OSBP2: variants seen among roughly 807,000 people sequenced by gnomAD.
The protein encoded by OSBP2 is oxysterol binding protein 2.
OSBP2 carries 66 observed loss-of-function variants against 96.0 expected under a neutral mutation model. That is an observed-to-expected ratio of 0.69 (90% CI 0.56 to 0.84). The LOEUF is 0.84. OSBP2 is among the 40% of genes least tolerant of loss of function. OSBP2 has a pLI of 0.00. For synonymous variants in OSBP2, 525 were observed against 520.9 expected, an observed-to-expected ratio of 1.01 and a Z score of -0.11; for missense variants, 1,038 against 1,222.7, an observed-to-expected ratio of 0.85 and a Z score of 2.25.
intron 2 of OSBP2, among the ~76,000 whole-genome samples, chr22:30,826,558 C>G (rs1336967957): frequency 6.6e-6 from 1 of 152,200 alleles, no homozygotes; most frequent in Non-Finnish European, 1.5e-5. Flanking sequence ...TCCTGGGCCC[C>G]TTCTGTAGCA....
Position 30,893,639 on chromosome 22 carries a change from C to A in OSBP2, c.2096C>A (p.Ser699Ter). ...CTGACCACTGCCCTCCTTCGCCAGTCAGGGGACATCGAGATTGTGAACCAT... is the reference window on the plus strand; with the variant it reads ...CTGACCACTGCCCTCCTTCGCCAGTAAGGGGACATCGAGATTGTGAACCAT... ...IIVGKLWIDQ[S>*]GDIEIVNHKT... Residue 699 changes from serine (S) to a stop codon, truncating the protein, a stop_gained and splice_region_variant, in exon 11 of 14, where the codon TCA becomes TAA. Transcript: ENST00000332585. LOFTEE classifies it high-confidence loss of function. 1 of 1,614,138 alleles carries A rather than the reference C, an allele frequency of 6.2e-7. No individual in the cohort carries two copies. Among genetic ancestry groups the A allele is most frequent in the South Asian group, 1.1e-5 (1 of 91,074 alleles).
intron 2 of OSBP2, among the ~76,000 whole-genome samples, chr22:30,795,402 T>C (rs2090743045): frequency 6.6e-6 from 1 of 152,150 alleles, no homozygotes; most frequent in African/African-American, 2.4e-5. Flanking sequence ...TCTTCTCTCT[T>C]CCTCTTATGG....
intron 12 of OSBP2, among the ~76,000 whole-genome samples, chr22:30,905,032 G>A (rs912727051): frequency 1.3e-4 from 19 of 151,908 alleles, no homozygotes; most frequent in African/African-American, 4.6e-4. Context: ...AGCTACTCAG[G>A]AGGCTAAGGC....
chr22:30,792,292 G>A (rs113019177), intron 2 of OSBP2, among the ~76,000 whole-genome samples: 34 of 151,256 alleles, frequency 2.2e-4, no homozygotes, highest in African/African-American at 7.3e-4. Flanking sequence ...CAGCCTGGGC[G>A]ACAGAGCGAG....
At chr22:30,701,877 A>C (rs911358186) in intron 1 of OSBP2, among the ~76,000 whole-genome samples, 1 of 152,194 alleles carries the variant, frequency 6.6e-6, no homozygotes, top group Non-Finnish European at 1.5e-5. Context: ...CAGGTTGATC[A>C]TGTGTAAGCA....
chr22:30,719,095 C>G (rs1468610354), intron 1 of OSBP2, among the ~76,000 whole-genome samples: 2 of 152,102 alleles, frequency 1.3e-5, no homozygotes, highest in Non-Finnish European at 2.9e-5. Flanking sequence ...TGTTCTTAAC[C>G]TTGAGCTGAT....
chr22:30,872,819 C>T (rs953398669), intron 3 of OSBP2, among the ~76,000 whole-genome samples: 10 of 152,214 alleles, frequency 6.6e-5, no homozygotes, highest in African/African-American at 1.9e-4. Context: ...TGGCAGGAAC[C>T]GGGGTAGTTC....
rs1205343226 is a variant in OSBP2 at position 30,695,458 on chromosome 22, C to G, written c.549C>G (p.Asp183Glu). 3.1e-6 allele frequency: 5 copies of G among 1,613,618 alleles called. No homozygotes were observed. The East Asian group carries it at 6.7e-5, about 22-fold the overall frequency. ...SSAPLALLPL[D>E]SFEGWLLKWT... ...CCCCACTGGCCTTACTGCCTCTGGA[C>G]AGCTTCGAGGGCTGGCTTCTCAAGT... Residue 183 changes from aspartate (D) to glutamate (E), a missense_variant, in exon 1 of 14, where the codon GAC becomes GAG. Physicochemically the swap from Asp to Glu is conservative, Grantham distance 45 (BLOSUM62 2). Coordinates refer to ENST00000332585, the MANE Select transcript of OSBP2 (RefSeq NM_030758.4).
chr22:30,874,348 G>C (rs950470777), intron 3 of OSBP2, among the ~76,000 whole-genome samples: 3 of 152,068 alleles, frequency 2.0e-5, no homozygotes, highest in Admixed American at 2.0e-4. Context: ...GGAGATGGAG[G>C]TTGCAGTGAG....
rs980055036 is a variant in OSBP2 at position 30,694,991 on chromosome 22, C to G, written c.82C>G (p.Pro28Ala). The G allele has an allele frequency of 1.9e-6, 3 of 1,560,850 alleles. No homozygotes were observed. The highest frequency in any genetic ancestry group is 3.8e-5 in the Admixed American group (2 of 52,410). Residue 28 changes from proline to alanine, a missense_variant, in exon 1 of 14, where the codon CCC becomes GCC. Pro to Ala is a conservative substitution (Grantham distance 27). This residue lies in a region of OSBP2 where 281 missense variants were observed against 273.4 expected (regional missense o/e 1.03). Coordinates refer to ENST00000332585, the MANE Select transcript of OSBP2 (RefSeq NM_030758.4). ...RGLSSLFTVV[P>A]CLSCHTAAPG... The stretch of plus-strand genomic sequence containing the variant: ...GCTCTCGTCGCTGTTCACGGTTGTC[C>G]CCTGCCTGTCGTGCCACACGGCGGC...
chr22:30,844,033 C>T (rs1207665599), intron 2 of OSBP2, among the ~76,000 whole-genome samples: 1 of 152,108 alleles, frequency 6.6e-6, no homozygotes, highest in Non-Finnish European at 1.5e-5. Context: ...CACCAACATG[C>T]CCAGCTTACT....
At chr22:30,722,656 C>G (rs2089570103) in intron 1 of OSBP2, among the ~76,000 whole-genome samples, 1 of 148,218 alleles carries the variant, frequency 6.7e-6, no homozygotes, top group Admixed American at 6.8e-5. Context: ...TTTCTCCTTC[C>G]TTCCCTCTCT....
At chr22:30,748,569 G>A (rs1023455462) in intron 2 of OSBP2, among the ~76,000 whole-genome samples, 3 of 152,180 alleles carry the variant, frequency 2.0e-5, no homozygotes, top group South Asian at 2.1e-4. Context: ...GGGCCAGTGT[G>A]CCATGACACC....
At chr22:30,848,626 C>A (rs1299642747) in intron 2 of OSBP2, among the ~76,000 whole-genome samples, 1 of 152,152 alleles carries the variant, frequency 6.6e-6, no homozygotes, top group Non-Finnish European at 1.5e-5. Context: ...AGCAACTGAT[C>A]TTTATGCACT....
intron 6 of OSBP2, 91 bp downstream of exon 6, chr22:30,889,325 C>G: frequency 7.0e-7 from 1 of 1,437,012 alleles, no homozygotes. Flanking sequence ...TGGGGGCCAG[C>G]AGGCAGGCCC....
At chr22:30,706,935 T>C (rs930878624) in intron 1 of OSBP2, among the ~76,000 whole-genome samples, 4 of 152,162 alleles carry the variant, frequency 2.6e-5, no homozygotes, top group African/African-American at 7.2e-5. Context: ...TTTTTGTGTA[T>C]TTCATTTGGC....
chr22:30,743,120 C>T (rs1207467243), intron 2 of OSBP2, among the ~76,000 whole-genome samples: 1 of 152,184 alleles, frequency 6.6e-6, no homozygotes, highest in Non-Finnish European at 1.5e-5. Flanking sequence ...AGGCAGGGCT[C>T]CAGGTGAGAA....
intron 1 of OSBP2, among the ~76,000 whole-genome samples, chr22:30,702,339 C>T (rs1186690565): frequency 1.3e-5 from 2 of 152,208 alleles, no homozygotes; most frequent in African/African-American, 2.4e-5. Context: ...CTCTGCTGGG[C>T]GTGGTGGCTC....
chr22:30,856,610 C>T (rs1375372478), intron 2 of OSBP2, among the ~76,000 whole-genome samples: 1 of 151,840 alleles, frequency 6.6e-6, no homozygotes, highest in African/African-American at 2.4e-5. Context: ...TGGTCTCGAA[C>T]TCCTGACCTC....
Sources: allele counts gnomAD v4.1 joint callset (sites outside exome capture counted in the v4.1 genomes callset), GRCh38; gene constraint gnomAD v4.1.1; regional missense constraint gnomAD v4.1.1; transcripts MANE v1.5; gene names NCBI Gene and HGNC (gene_info 2026-07-23, HGNC 2026-07-21).